SGSM1: variants seen among roughly 807,000 people sequenced by gnomAD.
The protein encoded by SGSM1 is small G protein signaling modulator 1, also known as RUN and TBC1 domain containing 2.
SGSM1 carries 73 observed loss-of-function variants against 133.8 expected under a neutral mutation model. The observed-to-expected ratio is 0.55, with a 90% CI of 0.45 to 0.66. The LOEUF (loss-of-function observed/expected upper bound fraction) is 0.66. Ranked by LOEUF, SGSM1 falls within the 30% of genes least tolerant of loss-of-function variation. The pLI, the probability that SGSM1 is intolerant of heterozygous loss-of-function variation, is 0.00. For synonymous variants in SGSM1, 563 were observed against 573.0 expected (o/e 0.98, Z 0.25); for missense variants, 1,213 against 1,448.1 (o/e 0.84, Z 2.64).
chr22:24,900,485 C>T (rs763991207), intron 19 of SGSM1, among the ~76,000 whole-genome samples: 8 of 151,762 alleles, frequency 5.3e-5, no homozygotes, highest in Admixed American at 2.6e-4. Context: ...CCGCAACCTC[C>T]GCCTCCCGGG....
chr22:24,825,769 G>A (rs1928766810), intron 2 of SGSM1, among the ~76,000 whole-genome samples: 1 of 152,166 alleles, frequency 6.6e-6, no homozygotes, highest in Admixed American at 6.6e-5. Flanking sequence ...GGCCCTCCAG[G>A]CATCCCAATT....
At chr22:24,887,539 T>A (rs1932687381) in intron 16 of SGSM1, among the ~76,000 whole-genome samples, 1 of 152,242 alleles carries the variant, frequency 6.6e-6, no homozygotes, top group Non-Finnish European at 1.5e-5. Flanking sequence ...CAAGCTGTAA[T>A]GAACATTCGT....
chr22:24,890,048 C>CCGG (rs1932783783), intron 16 of SGSM1, among the ~76,000 whole-genome samples: 1 of 150,924 alleles, frequency 6.6e-6, no homozygotes, highest in African/African-American at 2.4e-5. Flanking sequence ...GCTCTGCCTG[C>CCGG]TGGGTTCACG....
chr22:24,867,171 T>G lies in SGSM1; in HGVS notation c.994+11T>G. ...ACTGCCACCAGCAAGGTAGGGACTG[T>G]GGGGACAGGAGGGGTCTGCGTATTC... On this transcript the variant is annotated intron_variant, in intron 10 of 24. Transcript: ENST00000400358. The G allele has an allele frequency of 6.2e-7, 1 of 1,613,506 alleles. No individual in the cohort carries two copies. Among genetic ancestry groups the G allele is most frequent in the South Asian group, 1.1e-5 (1 of 90,982 alleles).
intron 14 of SGSM1, among the ~76,000 whole-genome samples, chr22:24,882,590 A>G (rs538902154): frequency 1.3e-5 from 2 of 152,290 alleles, no homozygotes; most frequent in South Asian, 2.1e-4. Flanking sequence ...TCCCCACTAT[A>G]CCATCCAATA....
chr22:24,870,065 G>A (rs775389062), intron 12 of SGSM1, among the ~76,000 whole-genome samples: 2 of 152,232 alleles, frequency 1.3e-5, no homozygotes, highest in African/African-American at 4.8e-5. Context: ...AAGCAGCCAC[G>A]TGCTGGGCAG....
At chr22:24,823,905 A>G (rs1171476278) in intron 2 of SGSM1, among the ~76,000 whole-genome samples, 2 of 152,204 alleles carry the variant, frequency 1.3e-5, no homozygotes, top group Non-Finnish European at 2.9e-5. Context: ...CTCTGTCCCT[A>G]AAAATATATT....
At chr22:24,807,993 A>G (rs754152288) in intron 2 of SGSM1, among the ~76,000 whole-genome samples, 3 of 152,026 alleles carry the variant, frequency 2.0e-5, no homozygotes, top group Non-Finnish European at 4.4e-5. Context: ...CGAATGAGAC[A>G]TGCAAAATAC....
intron 8 of SGSM1, among the ~76,000 whole-genome samples, chr22:24,858,307 A>G (rs1569150908): frequency 1.3e-5 from 2 of 152,042 alleles, no homozygotes; most frequent in Non-Finnish European, 2.9e-5. Flanking sequence ...CCTGTAAAGT[A>G]TTTGGTTGCT....
chr22:24,882,781 G>A (rs1290336249), intron 14 of SGSM1, among the ~76,000 whole-genome samples: 5 of 151,802 alleles, frequency 3.3e-5, no homozygotes, highest in Admixed American at 1.3e-4. Flanking sequence ...TGTGCCTCGC[G>A]TTTTTTTGCT....
chr22:24,817,865 AC>A (rs1170008769), intron 2 of SGSM1, among the ~76,000 whole-genome samples: 9 of 152,288 alleles, frequency 5.9e-5, no homozygotes, highest in Non-Finnish European at 1.2e-4. Flanking sequence ...TCCTTTTTGC[AC>A]ACTGCAGACT....
intron 24 of SGSM1, among the ~76,000 whole-genome samples, chr22:24,923,321 A>T (rs1934078643): frequency 6.6e-6 from 1 of 151,964 alleles, no homozygotes; most frequent in Non-Finnish European, 1.5e-5. Context: ...CTTGGTACCC[A>T]GTTTGGGAAC....
intron 14 of SGSM1, among the ~76,000 whole-genome samples, chr22:24,880,475 G>A (rs56359776): frequency 0.016 from 2,432 of 152,266 alleles, 67 homozygotes; most frequent in African/African-American, 0.056. Context: ...CAGCCTGACA[G>A]CCTAGATGGG....
chr22:24,864,947 G>T (rs912670602), intron 9 of SGSM1, among the ~76,000 whole-genome samples: 7 of 152,192 alleles, frequency 4.6e-5, no homozygotes, highest in African/African-American at 1.4e-4. Flanking sequence ...TTATTTATCT[G>T]TAAGATGGGA....
intron 21 of SGSM1, among the ~76,000 whole-genome samples, chr22:24,908,397 C>T (rs867161861): frequency 2.6e-5 from 4 of 152,196 alleles, no homozygotes; most frequent in Non-Finnish European, 5.9e-5. Context: ...TCAAAGAACA[C>T]CATCAAGAAA....
At chr22:24,823,912 T>C (rs1478958665) in intron 2 of SGSM1, among the ~76,000 whole-genome samples, 1 of 152,194 alleles carries the variant, frequency 6.6e-6, no homozygotes, top group Non-Finnish European at 1.5e-5. Flanking sequence ...CCTAAAAATA[T>C]ATTTAAATAA....
chr22:24,816,408 T>A (rs1332593509), intron 2 of SGSM1, among the ~76,000 whole-genome samples: 1 of 129,176 alleles, frequency 7.7e-6, no homozygotes, highest in Non-Finnish European at 1.7e-5. Flanking sequence ...TGATTTCTTT[T>A]TTTTCTTTCT....
chr22:24,894,436 A>G (rs746857289), intron 17 of SGSM1, among the ~76,000 whole-genome samples: 8 of 152,236 alleles, frequency 5.3e-5, no homozygotes, highest in African/African-American at 1.7e-4. Context: ...TCAGTCATCA[A>G]TTGCCACAAT....
chr22:24,869,362 A>G (rs1931647667), intron 12 of SGSM1, among the ~76,000 whole-genome samples: 1 of 152,020 alleles, frequency 6.6e-6, no homozygotes, highest in African/African-American at 2.4e-5. Context: ...TCTACAAAAA[A>G]TACAAAAATT....
Sources: gnomAD v4.1 joint callset for allele counts (sites outside exome capture counted in the v4.1 genomes callset) on GRCh38, gnomAD v4.1.1 for gene constraint, MANE v1.5 for transcripts, NCBI Gene and HGNC (gene_info 2026-07-23, HGNC 2026-07-21) for gene names.